PCGF2: variants seen among roughly 807,000 people sequenced by gnomAD.
PCGF2 encodes the protein polycomb group ring finger 2, also known as polycomb group RING finger protein 2.
PCGF2 carries 8 observed loss-of-function variants against 36.1 expected under a neutral mutation model. The observed-to-expected ratio is 0.22, with a 90% CI of 0.13 to 0.40. The LOEUF is 0.40. Ranked by LOEUF, PCGF2 falls within the 10% of genes least tolerant of loss-of-function variation. PCGF2 has a pLI of 1.00. For synonymous variants in PCGF2, 198 were observed against 191.2 expected, an observed-to-expected ratio of 1.04 and a Z score of -0.29; for missense variants, 436 against 475.9, an observed-to-expected ratio of 0.92 and a Z score of 0.78.
intron 9 of PCGF2, among the ~76,000 whole-genome samples, chr17:38,736,837 A>C (rs111757224): frequency 0.33 from 49,859 of 151,648 alleles, 9,386 homozygotes; most frequent in Non-Finnish European, 0.42. Flanking sequence ...CCGTCTCAAA[A>C]AAAACAAAAC....
chr17:38,734,781 C>G lies in PCGF2; in HGVS notation c.*442G>C, dbSNP rs1483948420. On this transcript the variant is annotated 3_prime_UTR_variant, in exon 11 of 11. Transcript: ENST00000620225. ...AGAAAGAAACGATTCTAACTGACTC[C>G]TATATGCAGCCAGTTGGAATCATGC... The G allele has an allele frequency of 6.4e-6, 1 of 155,072 alleles. No homozygotes were observed. Among genetic ancestry groups the G allele is most frequent in the Non-Finnish European group, 1.4e-5 (1 of 69,950 alleles). 9.6% of individuals were successfully genotyped at this position (155,072 alleles called of 1,614,324 possible). A position where few individuals can be genotyped will look rare whatever the true frequency, so the allele number is the denominator to read the frequency against.
intron 2 of PCGF2, among the ~76,000 whole-genome samples, chr17:38,747,353 C>G (rs1702810450): frequency 6.6e-6 from 1 of 152,140 alleles, no homozygotes; most frequent in African/African-American, 2.4e-5. Flanking sequence ...TTAGCAGATC[C>G]CCCTGCTTCC....
intron 9 of PCGF2, among the ~76,000 whole-genome samples, chr17:38,736,960 C>G (rs1429873678): frequency 6.6e-6 from 1 of 151,296 alleles, no homozygotes; most frequent in Non-Finnish European, 1.5e-5. Context: ...TGGAGAAACC[C>G]CGTCTCTACT....
chr17:38,735,505 G>A lies in PCGF2; in HGVS notation c.753C>T (p.Ser251=), dbSNP rs1906633196. 2.5e-6 allele frequency: 4 copies of A among 1,592,332 alleles called. No homozygotes were observed. Among genetic ancestry groups the A allele is most frequent in the South Asian group, 2.3e-5 (2 of 87,886 alleles). The change falls in exon 11 of 11, where the codon AGC becomes AGT. Residue 251 remains serine (S), a synonymous_variant. Coordinates refer to ENST00000620225, the MANE Select transcript of PCGF2 (RefSeq NM_007144.3). ...VPTPSEGTNT[S]GASECESVSD... ...TGACTGACTCACACTCGGACGCCCC[G>A]CTGGTGTTGGTGCCCTCGGAGGGGG...
intron 9 of PCGF2, among the ~76,000 whole-genome samples, chr17:38,736,919 G>A (rs757725704): frequency 2.2e-4 from 33 of 152,080 alleles, no homozygotes; most frequent in Middle Eastern, 7.0e-3. Flanking sequence ...AGCTTTGGGA[G>A]GCCGAGAATT....
At chr17:38,741,335 A>T (rs535579359) in intron 2 of PCGF2, among the ~76,000 whole-genome samples, 100 of 152,300 alleles carry the variant, frequency 6.6e-4, no homozygotes, top group African/African-American at 2.2e-3. Flanking sequence ...GTCCACATTT[A>T]AAGCATCCTA....
chr17:38,749,394 G>C (rs1054502101), upstream of PCGF2: 3 of 293,214 alleles, frequency 1.0e-5, no homozygotes, highest in Admixed American at 1.1e-4. This position sits in a 1 kb window ranked among gnomAD's most constrained non-coding sequence, Gnocchi z 6.5. Context: ...CAGTGGCTCC[G>C]GCAGGAGGGA....
intron 10 of PCGF2, among the ~76,000 whole-genome samples, 169 bp downstream of exon 10, chr17:38,735,921 G>T (rs777339920): frequency 2.0e-5 from 3 of 152,186 alleles, no homozygotes; most frequent in South Asian, 2.1e-4. Flanking sequence ...AAAGTCATCC[G>T]CAAGAGATGG....
At chr17:38,745,074 C>T (rs1187166899) in intron 2 of PCGF2, among the ~76,000 whole-genome samples, 1 of 151,888 alleles carries the variant, frequency 6.6e-6, no homozygotes, top group Non-Finnish European at 1.5e-5. Flanking sequence ...GGCTCACGTC[C>T]GTAATCCCAG....
rs1460171117 is a variant in PCGF2 at position 38,738,407 on chromosome 17, G to A, written c.522C>T (p.Val174=). 1 of 1,614,208 alleles carries A rather than the reference G, an allele frequency of 6.2e-7. No individual in the cohort carries two copies. The highest frequency in any genetic ancestry group is 8.5e-7 in the Non-Finnish European group (1 of 1,180,034). The change falls in exon 9 of 11, where the codon GTC becomes GTT. Residue 174 remains valine, a synonymous_variant. Transcript: ENST00000620225. The part of the protein sequence containing the change: ...RFLRCPAAMT[V]MHLAKFLRNK... ...TGCGGAGAAACTTGGCAAGATGCAT[G>A]ACGGTCATGGCTGCTGGGCATCGCA...
At position 38,736,154 on chromosome 17, in the gene PCGF2, T is replaced by G; in HGVS notation, c.593A>C (p.Glu198Ala). 1 of 1,574,802 alleles carries G rather than the reference T, an allele frequency of 6.3e-7. No homozygotes were observed. The highest frequency in any genetic ancestry group is 2.3e-5 in the East Asian group (1 of 43,062). ...GTAGTATTCCTTCAGTGGCTCGTCC[T>G]CGTACAGAACCTCCACCTGGGGGAG... The part of the protein sequence containing the change: ...PSKYKVEVLY[E>A]DEPLKEYYTL... The change falls in exon 10 of 11, where the codon GAG becomes GCG. Residue 198 changes from glutamate to alanine, a missense_variant. Glu to Ala is a moderately radical substitution (Grantham distance 107). This residue lies in a region of PCGF2 where 227 missense variants were observed against 212.9 expected (regional missense o/e 1.07). Transcript: ENST00000620225.
Position 38,736,131 on chromosome 17 carries a change from A to G in PCGF2, c.616T>C (p.Tyr206His). Residue 206 changes from tyrosine to histidine, a missense_variant, in exon 10 of 11, where the codon TAC becomes CAC. Around this residue, in one of 3 missense-constraint regions of PCGF2, gnomAD observed 227 missense variants for 212.9 expected, o/e 1.07. Transcript: ENST00000620225. ...LYEDEPLKEY[Y>H]TLMDIAYIYP... is the part of the protein sequence containing the mutation. ...ATGTAGGCGATGTCCATGAGGGTGT[A>G]GTATTCCTTCAGTGGCTCGTCCTCG... is the stretch of plus-strand genomic sequence containing the variant. 1 of 1,588,308 alleles carries G rather than the reference A, an allele frequency of 6.3e-7. No homozygotes were observed. The highest frequency in any genetic ancestry group is 8.6e-7 in the Non-Finnish European group (1 of 1,167,014).
intron 2 of PCGF2, among the ~76,000 whole-genome samples, chr17:38,745,581 C>A (rs1907484256): frequency 6.6e-6 from 1 of 152,252 alleles, no homozygotes; most frequent in Non-Finnish European, 1.5e-5. Flanking sequence ...TCAGATGTGA[C>A]TTGTCTAAGG....
intron 2 of PCGF2, 142 bp from the exon 3 acceptor site, chr17:38,740,584 C>A: frequency 1.7e-6 from 1 of 583,064 alleles, no homozygotes; most frequent in Non-Finnish European, 2.9e-6. Flanking sequence ...ATGGTGAAAC[C>A]CCATCTCTAC....
chr17:38,740,292 G>A lies in PCGF2; in HGVS notation c.111C>T (p.Ser37=). Residue 37 remains serine (S), a splice_region_variant and synonymous_variant, in exon 3 of 11, where the codon TCC becomes TCT. Transcript: ENST00000620225. The part of the protein sequence containing the change: ...DATTIVECLH[S]FCKTCIVRYL... ...GCAGCTCCCCTCCCCCCAACTCACA[G>A]GAATGCAGGCACTCCACGATAGTGG... The A allele has an allele frequency of 6.2e-7, 1 of 1,612,590 alleles. No homozygotes were observed. Among genetic ancestry groups the A allele is most frequent in the Non-Finnish European group, 8.5e-7 (1 of 1,178,644 alleles).
At chr17:38,737,568 A>C (rs1347768881) in intron 9 of PCGF2, among the ~76,000 whole-genome samples, 1 of 152,208 alleles carries the variant, frequency 6.6e-6, no homozygotes, top group Admixed American at 6.5e-5. Flanking sequence ...TTTAGGATCC[A>C]CTGTCCTAGA....
rs767116828 is a variant in PCGF2, at chr17:38,739,190, G to A, written c.265+8C>T. 24 of 1,613,802 alleles carry A rather than the reference G, an allele frequency of 1.5e-5. No homozygotes were observed. In the Admixed American group the frequency reaches 2.2e-4, roughly 15 times the overall value. Reference sequence around the variant, plus strand: ...GGGGTCAGTGGAGGAGGAATGGAGTGCAGATACCTTTAAAAAGCCCAGGGA... The same window carrying A: ...GGGGTCAGTGGAGGAGGAATGGAGTACAGATACCTTTAAAAAGCCCAGGGA... On this transcript the variant is annotated splice_region_variant and intron_variant, in intron 5 of 10. Coordinates refer to ENST00000620225, the MANE Select transcript of PCGF2 (RefSeq NM_007144.3). The surrounding 1 kb of genome is among the most constrained non-coding windows in gnomAD (Gnocchi z 4.0).
intron 2 of PCGF2, chr17:38,746,492 A>G (rs889306751): frequency 2.0e-5 from 3 of 152,278 alleles, no homozygotes; most frequent in African/African-American, 7.2e-5. Flanking sequence ...TGGTCCACCC[A>G]GGGTAAATTA....
At position 38,739,068 on chromosome 17, in the gene PCGF2, C is replaced by T. The variant is rs1906994722; in HGVS notation, c.316G>A (p.Val106Ile). 6.2e-7 allele frequency: 1 copy of T among 1,612,908 alleles called. No homozygotes were observed. The highest frequency in any genetic ancestry group is 8.5e-7 in the Non-Finnish European group (1 of 1,179,932). ...DFYAAYPLTE[V>I]PNGSNEDRGE... is the part of the protein sequence containing the mutation. ...CACAAACAGACGCGAGCACACTCAC[C>T]CTCCGTCAGGGGGTACGCTGCATAG... Residue 106 changes from valine to isoleucine, a missense_variant and splice_region_variant, in exon 6 of 11, where the codon GTC becomes ATC. Coordinates refer to ENST00000620225, the MANE Select transcript of PCGF2 (RefSeq NM_007144.3). This position sits in a 1 kb window ranked among gnomAD's most constrained non-coding sequence, Gnocchi z 4.0.
Sources: gnomAD v4.1 joint callset for allele counts (sites outside exome capture counted in the v4.1 genomes callset) on GRCh38, gnomAD v4.1.1 for gene constraint, gnomAD v4.1.1 regional missense constraint, Gnocchi (gnomAD v3.1) non-coding constraint, MANE v1.5 for transcripts, NCBI Gene and HGNC (gene_info 2026-07-23, HGNC 2026-07-21) for gene names.